The following MACF1 variants were observed in gnomAD, a reference collection of about 807,000 sequenced individuals.
The protein encoded by MACF1 is microtubule actin crosslinking factor 1.
Under a neutral mutation model 854.8 loss-of-function variants are expected in MACF1, and 193 were observed. The observed-to-expected ratio is 0.23, with a 90% CI of 0.20 to 0.25. The LOEUF is 0.25. Among genes scored for constraint, MACF1 ranks in the 10% least tolerant of loss-of-function variants. The pLI, the probability that MACF1 is intolerant of heterozygous loss-of-function variation, is 1.00. For missense variants in MACF1, 7,722 were observed against 8,929.1 expected (o/e 0.86, Z 5.45); for synonymous variants, 3,185 against 3,226.7 (o/e 0.99, Z 0.44).
intron 58 of MACF1, among the ~76,000 whole-genome samples, chr1:39,399,210 T>C (rs558363133): frequency 6.6e-6 from 1 of 152,252 alleles, no homozygotes; most frequent in African/African-American, 2.4e-5. Flanking sequence ...AGAACTAGCC[T>C]ATTTCTGTGT....
At chr1:39,250,654 G>A (rs754565048) in intron 3 of MACF1, among the ~76,000 whole-genome samples, 3 of 152,130 alleles carry the variant, frequency 2.0e-5, no homozygotes, top group African/African-American at 7.2e-5. Flanking sequence ...TGCCAAAGTT[G>A]TCTGAGCATA....
chr1:39,154,619 C>G (rs1054189983), intron 2 of MACF1, among the ~76,000 whole-genome samples: 2 of 152,144 alleles, frequency 1.3e-5, no homozygotes, highest in African/African-American at 4.8e-5. Context: ...TGGTCTAGAT[C>G]TTTCTCCTCG....
chr1:39,484,589 A>G lies in MACF1; in HGVS notation c.22282-12A>G, dbSNP rs767936935. The stretch of plus-strand genomic sequence containing the variant: ...CCAAGTAAAATGTGACCTTTTTATT[A>G]TTTTTTTTAAGGTTATCCCATCATC... On this transcript the variant is annotated splice_polypyrimidine_tract_variant and intron_variant, in intron 99 of 100. Coordinates refer to ENST00000564288, the MANE Select transcript of MACF1 (RefSeq NM_001394062.1). 6.2e-7 allele frequency: 1 copy of G among 1,600,036 alleles called. No homozygotes were observed. The highest frequency in any genetic ancestry group is 8.5e-7 in the Non-Finnish European group (1 of 1,173,970).
At chr1:39,209,162 G>C (rs1203815025) in intron 1 of MACF1, among the ~76,000 whole-genome samples, 2 of 151,068 alleles carry the variant, frequency 1.3e-5, no homozygotes, top group African/African-American at 2.4e-5. Flanking sequence ...GGAGGTTGCA[G>C]TGAGCCGAGA....
intron 20 of MACF1, among the ~76,000 whole-genome samples, chr1:39,296,263 A>G (rs1269886136): frequency 6.6e-6 from 1 of 152,146 alleles, no homozygotes; most frequent in Non-Finnish European, 1.5e-5. Flanking sequence ...GTCCTAGAGC[A>G]CAAGTCCTTT....
intron 2 of MACF1, among the ~76,000 whole-genome samples, chr1:39,093,090 T>C (rs1641848671): frequency 6.6e-6 from 1 of 151,888 alleles, no homozygotes; most frequent in East Asian, 1.9e-4. Flanking sequence ...GGCAAGTTCC[T>C]GTTTTTCCAT....
At chr1:39,208,312 C>T (rs1325140179) in intron 1 of MACF1, among the ~76,000 whole-genome samples, 13 of 151,996 alleles carry the variant, frequency 8.6e-5, no homozygotes, top group Admixed American at 8.5e-4. Flanking sequence ...AAGTAGTTAA[C>T]TGCCTCTGGA....
chr1:39,482,330 A>G (rs965344631), intron 99 of MACF1, among the ~76,000 whole-genome samples: 7 of 152,284 alleles, frequency 4.6e-5, no homozygotes, highest in African/African-American at 1.7e-4. Flanking sequence ...ATCACTTTCT[A>G]TCGCTTATGC....
Position 39,327,233 on chromosome 1 carries a change from G to A in MACF1, c.4494G>A (p.Glu1498=), listed in dbSNP as rs772302971. ...CATCTTCCAGGCTCTCAGAAAAAGA[G>A]AAGAAACAAATATCTGAGCAATTGA... ...AKHGHKLSEK[E]KKQISEQLNA... is the part of the protein sequence containing the mutation. The change falls in exon 36 of 101, where the codon GAG becomes GAA. Residue 1498 remains glutamate (E), a synonymous_variant. Coordinates refer to ENST00000564288, the MANE Select transcript of MACF1 (RefSeq NM_001394062.1). 1 of 1,572,450 alleles carries A rather than the reference G, an allele frequency of 6.4e-7. No homozygotes were observed. The highest frequency in any genetic ancestry group is 8.7e-7 in the Non-Finnish European group (1 of 1,149,110).
At chr1:39,215,017 C>CA (rs1571182602) in intron 1 of MACF1, among the ~76,000 whole-genome samples, 2 of 152,318 alleles carry the variant, frequency 1.3e-5, no homozygotes, top group East Asian at 3.9e-4. Context: ...CAGGTTTACT[C>CA]ACTTCATACC....
chr1:39,435,715 G>A lies in MACF1; in HGVS notation c.17942G>A (p.Arg5981His), dbSNP rs771296302. 34 of 1,614,020 alleles carry A rather than the reference G, an allele frequency of 2.1e-5. No homozygotes were observed. The highest frequency in any genetic ancestry group is 1.8e-4 in the South Asian group (16 of 91,082). The part of the protein sequence containing the change: ...NMYAQIKEEV[R>H]QRALALDEAV... ...TATGCCCAAATAAAGGAGGAGGTGCGCCAGCGAGCCCTGGCTCTGGATGAA... is the reference window on the plus strand; with the variant it reads ...TATGCCCAAATAAAGGAGGAGGTGCACCAGCGAGCCCTGGCTCTGGATGAA... The change falls in exon 70 of 101, where the codon CGC becomes CAC. Residue 5981 changes from arginine (R) to histidine (H), a missense_variant. Around this residue, in one of 15 missense-constraint regions of MACF1, gnomAD observed 2,807 missense variants for 3,235.8 expected, o/e 0.87. Coordinates refer to ENST00000564288, the MANE Select transcript of MACF1 (RefSeq NM_001394062.1).
chr1:39,394,508 G>A (rs575578945), intron 58 of MACF1, among the ~76,000 whole-genome samples: 7 of 152,278 alleles, frequency 4.6e-5, no homozygotes, highest in Admixed American at 3.9e-4. Flanking sequence ...TGTAGTCTCA[G>A]CTGTTTGGGG....
intron 6 of MACF1, 59 bp downstream of exon 6, chr1:39,258,087 G>C: frequency 7.4e-7 from 1 of 1,343,312 alleles, no homozygotes; most frequent in South Asian, 1.2e-5. Flanking sequence ...CTAGAAAGTT[G>C]CACTGCCTTC....
At chr1:39,330,838 G>A (rs1424678563) in intron 36 of MACF1, among the ~76,000 whole-genome samples, 1 of 144,982 alleles carries the variant, frequency 6.9e-6, no homozygotes, top group Non-Finnish European at 1.5e-5. Flanking sequence ...GTCTCGCTCT[G>A]TTGCCCAGGC....
intron 54 of MACF1, among the ~76,000 whole-genome samples, 200 bp downstream of exon 54, chr1:39,379,644 A>G (rs989327947): frequency 6.6e-6 from 1 of 152,246 alleles, no homozygotes; most frequent in Non-Finnish European, 1.5e-5. Context: ...AATTGTTATA[A>G]GTTAGATTCA....
chr1:39,352,934 C>T, intron 43 of MACF1, 73 bp from the exon 44 acceptor site: 1 of 1,013,584 alleles, frequency 9.9e-7, no homozygotes, highest in Non-Finnish European at 1.5e-6. Context: ...TCCCCTTTAC[C>T]CCATTACTTA....
intron 70 of MACF1, 83 bp from the exon 71 acceptor site, chr1:39,437,694 A>G (rs770187440): frequency 4.7e-6 from 5 of 1,053,542 alleles, no homozygotes; most frequent in Non-Finnish European, 5.9e-6. Flanking sequence ...GTAGTAGGAT[A>G]ATATCTTGTC....
At chr1:39,355,666 A>G (rs938597402) in intron 44 of MACF1, among the ~76,000 whole-genome samples, 1 of 151,930 alleles carries the variant, frequency 6.6e-6, no homozygotes, top group African/African-American at 2.4e-5. Flanking sequence ...GGGTTTCACC[A>G]TGTTGGCCAG....
rs1183576770 is a variant in MACF1, at chr1:39,304,594, T to A, written c.2789+1516T>A. 23 of 706,754 alleles carry A rather than the reference T, an allele frequency of 3.3e-5. No homozygotes were observed. The East Asian group carries it at 6.7e-4, about 21-fold the overall frequency. The allele number at this position is 706,754 out of a possible 1,614,324, so 43.8% of individuals were successfully genotyped here. A position where few individuals can be genotyped will look rare whatever the true frequency, so the allele number is the denominator to read the frequency against. ...TTTTTTTTTTCTTGAGACAGAGCCT[T>A]GCTCTGTCGCTCAGGCTGGAGTGCA... On this transcript the variant is annotated intron_variant, in intron 23 of 100. Transcript: ENST00000564288.
Sources: gnomAD v4.1 joint callset for allele counts (sites outside exome capture counted in the v4.1 genomes callset) on GRCh38, gnomAD v4.1.1 for gene constraint, gnomAD v4.1.1 regional missense constraint, MANE v1.5 for transcripts, NCBI Gene and HGNC (gene_info 2026-07-23, HGNC 2026-07-21) for gene names.